Variants in GGA2 observed in about 807,000 individuals in gnomAD.
GGA2 encodes ADP-ribosylation factor-binding protein GGA2.
Under a neutral mutation model 79.5 loss-of-function variants are expected in GGA2, and 48 were observed. That is an observed-to-expected ratio of 0.60 (90% CI 0.48 to 0.77). The LOEUF (loss-of-function observed/expected upper bound fraction) is 0.77. GGA2 is among the 30% of genes least tolerant of loss of function. The pLI is 0.00. For missense variants in GGA2, 770 were observed against 774.0 expected (o/e 0.99, Z 0.06); for synonymous variants, 317 against 302.0 (o/e 1.05, Z -0.51).
At chr16:23,509,736 A>T (rs1234289032) in intron 1 of GGA2, among the ~76,000 whole-genome samples, 4 of 150,550 alleles carry the variant, frequency 2.7e-5, no homozygotes, top group African/African-American at 9.7e-5. Flanking sequence ...AAAGGAAAAA[A>T]AAAACACACA....
Position 23,478,872 on chromosome 16 carries a change from G to A in GGA2, c.1158+11C>T, listed in dbSNP as rs1964611424. The A allele has an allele frequency of 6.3e-7, 1 of 1,595,690 alleles. No homozygotes were observed. The highest frequency in any genetic ancestry group is 8.6e-7 in the Non-Finnish European group (1 of 1,164,174). On this transcript the variant is annotated intron_variant, in intron 12 of 16. Transcript: ENST00000309859. Reference sequence around the variant, plus strand: ...CATTCTCTCTCCGGGCCCTGGGAAGGGCATCCTTACCATGCCTGTAACAGG... The same window carrying A: ...CATTCTCTCTCCGGGCCCTGGGAAGAGCATCCTTACCATGCCTGTAACAGG...
At chr16:23,479,929 A>C (rs373588905) in intron 10 of GGA2, 42 bp from the exon 11 acceptor site, 329 of 1,606,300 alleles carry the variant, frequency 2.0e-4, no homozygotes, top group Non-Finnish European at 2.7e-4. Flanking sequence ...GTTGGACATG[A>C]GAGCAAAGTC....
In GGA2 at chr16:23,464,501, G is replaced by C. The variant is rs1400052140; in HGVS notation, c.*3089C>G. ...ATGCTCAGATTTGCTAGAGAACTCT[G>C]GTAGTGGCAAGAACCAGAGCTGTTA... On this transcript the variant is annotated 3_prime_UTR_variant, in exon 17 of 17. Coordinates refer to ENST00000309859, the MANE Select transcript of GGA2 (RefSeq NM_015044.4). 2 of 151,958 alleles carry C rather than the reference G, an allele frequency of 1.3e-5. No individual in the cohort carries two copies. Among genetic ancestry groups the C allele is most frequent in the East Asian group, 3.9e-4 (2 of 5,178 alleles). 9.4% of individuals were successfully genotyped at this position (151,958 alleles called of 1,614,324 possible).
At chr16:23,504,374 G>A (rs79530662) in intron 1 of GGA2, among the ~76,000 whole-genome samples, 1 of 152,318 alleles carries the variant, frequency 6.6e-6, no homozygotes, top group African/African-American at 2.4e-5. Flanking sequence ...GCAAAAAGCA[G>A]GCCTGTCTCA....
chr16:23,517,197 T>C lies in GGA2; in HGVS notation c.61+2390A>G, dbSNP rs374563328. Among the ~76,000 whole-genome samples, 53 of 151,808 alleles carry C rather than the reference T, an allele frequency of 3.5e-4. No individual in the cohort carries two copies. The East Asian group carries it at 8.6e-3, about 25-fold the overall frequency. Reference sequence around the variant, plus strand: ...TCAGCCTCCCTAGTAGGTGGGACTATAGGCACATGCCACCATGCCCAGCTA... The same window carrying C: ...TCAGCCTCCCTAGTAGGTGGGACTACAGGCACATGCCACCATGCCCAGCTA... On this transcript the variant is annotated intron_variant, in intron 2 of 5. Transcript: ENST00000569300.
chr16:23,491,468 ACAT>A (rs1964786092), intron 5 of GGA2, among the ~76,000 whole-genome samples: 1 of 151,658 alleles, frequency 6.6e-6, no homozygotes, highest in Admixed American at 6.6e-5. Flanking sequence ...AGCAAACCCT[ACAT>A]CATCTTTCCA....
chr16:23,487,174 G>T (rs941795308), intron 6 of GGA2, among the ~76,000 whole-genome samples: 2 of 152,034 alleles, frequency 1.3e-5, no homozygotes, highest in African/African-American at 4.8e-5. Flanking sequence ...TAGAGACAGG[G>T]TTTCACCATG....
At chr16:23,499,758 G>A (rs562455686) in intron 1 of GGA2, among the ~76,000 whole-genome samples, 106 of 152,320 alleles carry the variant, frequency 7.0e-4, no homozygotes, top group Non-Finnish European at 1.3e-3. Context: ...CACTGTGCCC[G>A]GCTCAGTTTT....
chr16:23,493,000 CCAGGAGGA>C (rs1964808606), intron 4 of GGA2, among the ~76,000 whole-genome samples: 1 of 152,142 alleles, frequency 6.6e-6, no homozygotes, highest in Non-Finnish European at 1.5e-5. Context: ...AAGACAGGTG[CCAGGAGGA>C]CAGGTACAGA....
intron 7 of GGA2, 138 bp from the exon 8 acceptor site, chr16:23,486,290 C>G (rs1264642314): frequency 4.1e-6 from 3 of 725,106 alleles, no homozygotes; most frequent in Non-Finnish European, 6.9e-6. Context: ...GGAGAACTCA[C>G]ACAGTGGGTG....
At chr16:23,490,400 C>T (rs936010128) in intron 5 of GGA2, among the ~76,000 whole-genome samples, 1 of 152,206 alleles carries the variant, frequency 6.6e-6, no homozygotes, top group South Asian at 2.1e-4. Flanking sequence ...CAAAATATCA[C>T]ATTGTACTCC....
chr16:23,467,280 C>T lies in GGA2; in HGVS notation c.*310G>A, dbSNP rs141601207. 1.0e-3 allele frequency: 291 copies of T among 285,054 alleles called. No individual in the cohort carries two copies. Among genetic ancestry groups the T allele is most frequent in the Non-Finnish European group, 1.5e-3 (231 of 150,484 alleles). The allele number at this position is 285,054 out of a possible 1,614,324, so 17.7% of individuals were successfully genotyped here. On this transcript the variant is annotated 3_prime_UTR_variant, in exon 17 of 17. Transcript: ENST00000309859. The stretch of plus-strand genomic sequence containing the variant: ...AACCTGAGGCAGGGACAGTGTCGCT[C>T]GCTGACATGCAGAAACATGACTGTA...
intron 8 of GGA2, among the ~76,000 whole-genome samples, chr16:23,485,616 G>GC (rs1964701782): frequency 6.6e-6 from 1 of 152,144 alleles, no homozygotes; most frequent in African/African-American, 2.4e-5. Flanking sequence ...TGGAAACAAC[G>GC]CAAGGCCCAT....
At chr16:23,469,039 C>T (rs1302790951) in intron 15 of GGA2, 43 bp from the exon 16 acceptor site, 1 of 1,198,042 alleles carries the variant, frequency 8.3e-7, no homozygotes, top group Admixed American at 1.7e-5. Context: ...TTCCTAACCA[C>T]AGCTTCTAGG....
At chr16:23,524,344 A>G (rs1597004745), upstream of GGA2, 1 of 1,597,092 alleles carries the variant, frequency 6.3e-7, no homozygotes, top group East Asian at 2.2e-5. Flanking sequence ...TCTTAGGGCG[A>G]TCTCCACTGC....
rs577219916 is a variant in GGA2 at position 23,492,468 on chromosome 16, A to AAAAAC, written c.352-673_352-669dup. On this transcript the variant is annotated intron_variant, in intron 4 of 16. Transcript: ENST00000309859. Reference sequence around the variant, plus strand: ...AGTTCAAGCCAGCAATGATGTGTAAAAAAACAAAACAAAACAAAAAAACCT... The same window carrying AAAAAC: ...AGTTCAAGCCAGCAATGATGTGTAAAAAAACAAAACAAAACAAAACAAAAAAACCT... 1.6e-3 allele frequency among the ~76,000 whole-genome samples: 250 copies of AAAAAC among 152,282 alleles called. 1 individual carries two copies. The highest frequency in any genetic ancestry group is 5.8e-3 in the African/African-American group (241 of 41,566).
chr16:23,497,203 C>G (rs1412695129), intron 1 of GGA2, among the ~76,000 whole-genome samples: 1 of 152,054 alleles, frequency 6.6e-6, no homozygotes, highest in Admixed American at 6.6e-5. Context: ...CTGGTTCTGA[C>G]AGAGCAGCTC....
intron 16 of GGA2, among the ~76,000 whole-genome samples, chr16:23,468,168 T>C (rs1238923786): frequency 6.6e-6 from 1 of 152,054 alleles, no homozygotes; most frequent in Non-Finnish European, 1.5e-5. Context: ...CTTTCATCTA[T>C]CTGTCTGTCT....
intron 13 of GGA2, among the ~76,000 whole-genome samples, chr16:23,475,506 A>G (rs1185462351): frequency 3.3e-5 from 5 of 151,986 alleles, no homozygotes; most frequent in Non-Finnish European, 4.4e-5. Flanking sequence ...GACTTTTGTC[A>G]AGTAATCGAA....
Sources: gnomAD v4.1 joint callset for allele counts (sites outside exome capture counted in the v4.1 genomes callset) on GRCh38, gnomAD v4.1.1 for gene constraint, MANE v1.5 for transcripts, NCBI Gene and HGNC (gene_info 2026-07-23, HGNC 2026-07-21) for gene names.